CGNL1: variants seen among roughly 807,000 people sequenced by gnomAD.
CGNL1 encodes cingulin-like protein 1.
Under a neutral mutation model 141.2 loss-of-function variants are expected in CGNL1, and 132 were observed. The ratio of observed to expected loss-of-function variants is 0.93; its 90% CI spans 0.81 to 1.08. The LOEUF (loss-of-function observed/expected upper bound fraction) is 1.08. Among genes scored for constraint, CGNL1 ranks in the 50% least tolerant of loss-of-function variants. The pLI is 0.00. For synonymous variants in CGNL1, 690 were observed against 622.1 expected (o/e 1.11, Z -1.63); for missense variants, 1,870 against 1,588.6 (o/e 1.18, Z -3.01).
At chr15:57,401,949 T>G (rs766009683) in intron 1 of CGNL1, 1 of 152,192 alleles carries the variant, frequency 6.6e-6, no homozygotes, top group Non-Finnish European at 1.5e-5. Flanking sequence ...CTATGGACAA[T>G]GTACCCTTTT....
intron 1 of CGNL1, among the ~76,000 whole-genome samples, chr15:57,382,858 T>C (rs2152215828): frequency 6.6e-6 from 1 of 152,326 alleles, no homozygotes; most frequent in African/African-American, 2.4e-5. Flanking sequence ...CAACTAGGAC[T>C]GTTAAACTTT....
chr15:57,503,131 G>A (rs746762644), intron 8 of CGNL1, among the ~76,000 whole-genome samples: 2 of 152,146 alleles, frequency 1.3e-5, no homozygotes, highest in Admixed American at 6.5e-5. Context: ...GCAGAGCCTC[G>A]CTGTAACACC....
intron 8 of CGNL1, among the ~76,000 whole-genome samples, chr15:57,493,301 T>C (rs2063891834): frequency 1.3e-5 from 2 of 152,180 alleles, no homozygotes; most frequent in African/African-American, 4.8e-5. Flanking sequence ...CTCTCTTCTT[T>C]TGACAGGGTT....
chr15:57,428,586 T>TG (rs2063006286), intron 1 of CGNL1, among the ~76,000 whole-genome samples: 1 of 152,160 alleles, frequency 6.6e-6, no homozygotes, highest in African/African-American at 2.4e-5. Flanking sequence ...TTGAGCTGTG[T>TG]GGTGCTGGTC....
intron 11 of CGNL1, 60 bp downstream of exon 11, chr15:57,523,701 C>T (rs2031424217): frequency 1.3e-6 from 2 of 1,578,398 alleles, no homozygotes; most frequent in Non-Finnish European, 8.6e-7. Flanking sequence ...GACCCAGTCC[C>T]CTCTGAGGGT....
At chr15:57,426,947 G>A (rs1430955333) in intron 1 of CGNL1, among the ~76,000 whole-genome samples, 3 of 152,184 alleles carry the variant, frequency 2.0e-5, no homozygotes, top group African/African-American at 7.2e-5. Context: ...TGGGGTGAGG[G>A]TGCTTTAGGA....
chr15:57,400,997 T>A (rs538952454), intron 1 of CGNL1, among the ~76,000 whole-genome samples: 1 of 151,896 alleles, frequency 6.6e-6, no homozygotes, highest in African/African-American at 2.4e-5. Context: ...TAGTCATAAC[T>A]ACGCTTTAAG....
At chr15:57,518,855 TTTAGACGTTA>T (rs2031039654) in intron 10 of CGNL1, among the ~76,000 whole-genome samples, 1 of 152,174 alleles carries the variant, frequency 6.6e-6, no homozygotes, top group Non-Finnish European at 1.5e-5. Context: ...GAGCCCTCCG[TTTAGACGTTA>T]AAGAGCTTGA....
chr15:57,525,165 G>T (rs1432623039), intron 12 of CGNL1, among the ~76,000 whole-genome samples: 1 of 152,128 alleles, frequency 6.6e-6, no homozygotes, highest in Non-Finnish European at 1.5e-5. Flanking sequence ...ACTTTTATTG[G>T]CATGAGGGTG....
Position 57,380,341 on chromosome 15 carries a change from G to T in CGNL1, c.-16+3774G>T, listed in dbSNP as rs983785390. Among the ~76,000 whole-genome samples the T allele has an allele frequency of 5.3e-5, 8 of 152,214 alleles. No individual in the cohort carries two copies. The East Asian group carries it at 1.5e-3, about 29-fold the overall frequency. ...GAGCCACTGTGCCCAGCTGTTAGTA[G>T]CCCCTGTTACTAGCAAAAGCTATGT... On this transcript the variant is annotated intron_variant, in intron 1 of 18. Transcript: ENST00000281282.
chr15:57,475,486 A>T (rs1437177898), intron 8 of CGNL1, among the ~76,000 whole-genome samples: 4 of 144,724 alleles, frequency 2.8e-5, no homozygotes, highest in South Asian at 2.2e-4. Flanking sequence ...ATGTATATAC[A>T]AGTGTGGTGT....
intron 8 of CGNL1, among the ~76,000 whole-genome samples, chr15:57,465,354 A>G (rs974770940): frequency 2.1e-5 from 3 of 139,542 alleles, no homozygotes; most frequent in East Asian, 4.2e-4. Context: ...GGGAGAACCC[A>G]CCCACCAACC....
chr15:57,393,286 C>T (rs1245487961), intron 1 of CGNL1, among the ~76,000 whole-genome samples: 5 of 152,204 alleles, frequency 3.3e-5, no homozygotes, highest in African/African-American at 1.2e-4. Flanking sequence ...TTTATTCAGA[C>T]AATGATAATA....
intron 16 of CGNL1, 115 bp downstream of exon 16, chr15:57,544,712 A>G (rs1447458588): frequency 4.1e-6 from 5 of 1,211,140 alleles, no homozygotes; most frequent in African/African-American, 3.0e-5. Flanking sequence ...TGAGGAAGGC[A>G]GAGCAACTAC....
At chr15:57,515,091 T>A (rs184410643) in intron 8 of CGNL1, among the ~76,000 whole-genome samples, 1 of 152,358 alleles carries the variant, frequency 6.6e-6, no homozygotes, top group Non-Finnish European at 1.5e-5. Flanking sequence ...TACTAGATTC[T>A]TTAGATCCTT....
rs549180159 is a variant in CGNL1 at position 57,380,741 on chromosome 15, GA to G, written c.-16+4175del. 4.8e-3 allele frequency among the ~76,000 whole-genome samples: 738 copies of G among 152,290 alleles called. 5 individuals are homozygous for G. Among genetic ancestry groups the G allele is most frequent in the African/African-American group, 0.017 (709 of 41,564 alleles). Reference sequence around the variant, plus strand: ...TTCTGGCAGGTGTCTTTTGCTTCTGGAGTCTACTGAACAGGGGTACTTCCTG... The same window carrying G: ...TTCTGGCAGGTGTCTTTTGCTTCTGGGTCTACTGAACAGGGGTACTTCCTG... On this transcript the variant is annotated intron_variant, in intron 1 of 18. Coordinates refer to ENST00000281282, the MANE Select transcript of CGNL1 (RefSeq NM_032866.5).
intron 13 of CGNL1, among the ~76,000 whole-genome samples, chr15:57,531,408 A>G (rs2031944319): frequency 6.6e-6 from 1 of 152,164 alleles, no homozygotes; most frequent in Admixed American, 6.5e-5. Flanking sequence ...ATGCTCAAAT[A>G]TCCTTAGTGT....
chr15:57,400,755 T>C (rs2414503), intron 1 of CGNL1, among the ~76,000 whole-genome samples: 135,292 of 151,624 alleles, frequency 0.89, 60,457 homozygotes, highest in East Asian at 0.96. Flanking sequence ...TGGTGGCGCC[T>C]GCCTGTAATC....
intron 1 of CGNL1, among the ~76,000 whole-genome samples, chr15:57,429,455 A>G (rs2063018447): frequency 6.6e-6 from 1 of 152,202 alleles, no homozygotes; most frequent in Non-Finnish European, 1.5e-5. Flanking sequence ...AACGATAATA[A>G]CCCTTTATTG....
Sources: allele counts gnomAD v4.1 joint callset (sites outside exome capture counted in the v4.1 genomes callset), GRCh38; gene constraint gnomAD v4.1.1; transcripts MANE v1.5; gene names NCBI Gene and HGNC (gene_info 2026-07-23, HGNC 2026-07-21).